Variants in HIBADH observed in about 807,000 individuals in gnomAD.
The protein encoded by HIBADH is 3-hydroxyisobutyrate dehydrogenase, mitochondrial.
In HIBADH, 25 loss-of-function variants were observed where a neutral mutation model predicts 36.1. The observed-to-expected ratio is 0.69, with a 90% CI of 0.50 to 0.97. The LOEUF (loss-of-function observed/expected upper bound fraction) is 0.97. HIBADH is among the 50% of genes least tolerant of loss of function. HIBADH has a pLI of 0.00. For synonymous variants in HIBADH, 160 were observed against 149.5 expected (o/e 1.07, Z -0.51); for missense variants, 421 against 418.0 (o/e 1.01, Z -0.06).
chr7:27,574,516 T>TG (rs1784679390), intron 4 of HIBADH, among the ~76,000 whole-genome samples: 1 of 152,202 alleles, frequency 6.6e-6, no homozygotes, highest in Admixed American at 6.5e-5. Context: ...CTTTACCTTT[T>TG]TTATTTGTAA....
At chr7:27,568,328 T>C (rs1335823305) in intron 4 of HIBADH, among the ~76,000 whole-genome samples, 1 of 152,224 alleles carries the variant, frequency 6.6e-6, no homozygotes, top group East Asian at 1.9e-4. Flanking sequence ...CTGGTTTCAG[T>C]GCTTCAAAAA....
chr7:27,594,559 C>T (rs1229738859), intron 4 of HIBADH, among the ~76,000 whole-genome samples: 1 of 152,040 alleles, frequency 6.6e-6, no homozygotes, highest in Non-Finnish European at 1.5e-5. Context: ...TAAATTAATC[C>T]ATAAATTCAG....
At chr7:27,589,024 T>C (rs1367661631) in intron 4 of HIBADH, among the ~76,000 whole-genome samples, 1 of 152,196 alleles carries the variant, frequency 6.6e-6, no homozygotes, top group South Asian at 2.1e-4. Flanking sequence ...GAATAATATG[T>C]ATGAAAATTA....
rs111722963 is a variant in HIBADH, at chr7:27,532,775, T to C, written c.696-1427A>G. On this transcript the variant is annotated intron_variant, in intron 6 of 7. Transcript: ENST00000265395. ...AGAGAAACCCAACAGTTTCATTCAT[T>C]CTTTTATAAAGATCCAAGTTCACTG... 6.6e-3 allele frequency among the ~76,000 whole-genome samples: 1,009 copies of C among 152,344 alleles called. 6 individuals carry two copies. Among genetic ancestry groups the C allele is most frequent in the Non-Finnish European group, 9.1e-3 (622 of 68,022 alleles).
chr7:27,560,040 T>C lies in HIBADH; in HGVS notation c.485-16940A>G, dbSNP rs372425476. On this transcript the variant is annotated intron_variant, in intron 4 of 7. Coordinates refer to ENST00000265395, the MANE Select transcript of HIBADH (RefSeq NM_152740.4). ...CAAGTTGTGCAGTTTTGTTCCACTA[T>C]AAGACATCCCTGTTCATCACAAATT... 2.1e-4 allele frequency among the ~76,000 whole-genome samples: 32 copies of C among 152,352 alleles called. 1 individual carries two copies. The South Asian group carries it at 6.4e-3, about 31-fold the overall frequency.
At chr7:27,654,752 G>A (rs187641040) in intron 1 of HIBADH, among the ~76,000 whole-genome samples, 1 of 151,058 alleles carries the variant, frequency 6.6e-6, no homozygotes, top group Non-Finnish European at 1.5e-5. Flanking sequence ...GCAGTGGCAT[G>A]ATCACAGCTC....
At position 27,537,048 on chromosome 7, in the gene HIBADH, C is replaced by T. The variant is rs139349654; in HGVS notation, c.695+1293G>A. 3.2e-3 allele frequency among the ~76,000 whole-genome samples: 492 copies of T among 152,264 alleles called. 5 individuals are homozygous for T. The highest frequency in any genetic ancestry group is 0.011 in the African/African-American group (463 of 41,554). On this transcript the variant is annotated intron_variant, in intron 6 of 7. Transcript: ENST00000265395. ...CCATGAAATTAGTCTAGAGAATGAA[C>T]ATGAAAACAAGTTACTAGTAACCAG...
intron 4 of HIBADH, among the ~76,000 whole-genome samples, chr7:27,564,158 A>C (rs1481188871): frequency 1.3e-5 from 2 of 152,214 alleles, no homozygotes; most frequent in South Asian, 4.1e-4. Flanking sequence ...TCAGCCTCCC[A>C]AAGTGCTGGG....
intron 4 of HIBADH, among the ~76,000 whole-genome samples, chr7:27,581,755 G>C (rs1253256964): frequency 6.6e-6 from 1 of 151,592 alleles, no homozygotes; most frequent in African/African-American, 2.4e-5. Flanking sequence ...AGACTCTGTG[G>C]ATCCTTCAGC....
intron 2 of HIBADH, among the ~76,000 whole-genome samples, chr7:27,638,112 T>C (rs1785874489): frequency 6.6e-6 from 1 of 151,720 alleles, no homozygotes. Flanking sequence ...GGAGCTCAAA[T>C]AGTCAAGGCA....
chr7:27,577,718 C>T (rs914879821), intron 4 of HIBADH, among the ~76,000 whole-genome samples: 1 of 152,252 alleles, frequency 6.6e-6, no homozygotes, highest in Middle Eastern at 3.4e-3. Flanking sequence ...TAATCATCCT[C>T]GTTCCCTAAA....
intron 4 of HIBADH, among the ~76,000 whole-genome samples, chr7:27,595,073 G>A (rs1250704424): frequency 2.0e-5 from 3 of 152,186 alleles, no homozygotes; most frequent in African/African-American, 7.2e-5. Context: ...AAACTCAGAA[G>A]CCATAAAGGA....
At chr7:27,543,451 T>C (rs1328467889) in intron 4 of HIBADH, among the ~76,000 whole-genome samples, 1 of 152,038 alleles carries the variant, frequency 6.6e-6, no homozygotes, top group African/African-American at 2.4e-5. Flanking sequence ...TTATAGAAAG[T>C]ATACAAAAAA....
At chr7:27,608,434 T>C (rs1021716882) in intron 4 of HIBADH, among the ~76,000 whole-genome samples, 4 of 152,194 alleles carry the variant, frequency 2.6e-5, no homozygotes, top group African/African-American at 9.7e-5. Context: ...GGCAAATACA[T>C]AGAAAGACAG....
At chr7:27,551,589 A>G (rs1784320711) in intron 4 of HIBADH, among the ~76,000 whole-genome samples, 1 of 84,432 alleles carries the variant, frequency 1.2e-5, no homozygotes, top group Non-Finnish European at 2.1e-5. Flanking sequence ...ACCATGATGC[A>G]GGTGCTGATA....
chr7:27,621,506 A>T (rs914950982), intron 4 of HIBADH, among the ~76,000 whole-genome samples: 2 of 152,190 alleles, frequency 1.3e-5, no homozygotes, highest in South Asian at 4.1e-4. Flanking sequence ...AAAAAACTGA[A>T]AACAGCCAGG....
intron 4 of HIBADH, among the ~76,000 whole-genome samples, chr7:27,610,159 A>G (rs1785300103): frequency 6.6e-6 from 1 of 152,164 alleles, no homozygotes; most frequent in Non-Finnish European, 1.5e-5. Context: ...ATAACTCTTT[A>G]AAGACAGGAA....
chr7:27,650,499 TA>T (rs1357822832), intron 1 of HIBADH, among the ~76,000 whole-genome samples: 14 of 145,066 alleles, frequency 9.7e-5, no homozygotes, highest in East Asian at 2.0e-4. Flanking sequence ...TTTATTTATT[TA>T]TTTATTTTTT....
intron 2 of HIBADH, among the ~76,000 whole-genome samples, chr7:27,640,085 A>C (rs562568100): frequency 2.6e-5 from 4 of 152,322 alleles, no homozygotes; most frequent in South Asian, 2.1e-4. Flanking sequence ...CAATTGCTTA[A>C]AGGCATTTTT....
Sources: allele counts gnomAD v4.1 joint callset (sites outside exome capture counted in the v4.1 genomes callset), GRCh38; gene constraint gnomAD v4.1.1; transcripts MANE v1.5; gene names NCBI Gene and HGNC (gene_info 2026-07-23, HGNC 2026-07-21).